The following NPAS3 variants were observed in gnomAD, a reference collection of about 807,000 sequenced individuals.
The protein encoded by NPAS3 is neuronal PAS domain protein 3.
In NPAS3, 14 loss-of-function variants were observed where a neutral mutation model predicts 73.1. That is an observed-to-expected ratio of 0.19 (90% CI 0.13 to 0.30). The LOEUF (loss-of-function observed/expected upper bound fraction) is 0.30, where lower values mean the gene tolerates loss of function less well. Ranked by LOEUF, NPAS3 falls within the 10% of genes least tolerant of loss-of-function variation. The pLI is 1.00. For missense variants in NPAS3, 1,096 were observed against 1,250.0 expected (o/e 0.88, Z 1.86); for synonymous variants, 620 against 541.5 (o/e 1.14, Z -2.01).
chr14:32,945,709 A>G (rs567872917), intron 1 of NPAS3, among the ~76,000 whole-genome samples: 5 of 152,240 alleles, frequency 3.3e-5, no homozygotes. Flanking sequence ...GTAGTGAACG[A>G]TAGCCCTCTG....
chr14:33,234,596 TGG>T (rs1185004174), intron 3 of NPAS3, among the ~76,000 whole-genome samples: 1 of 152,098 alleles, frequency 6.6e-6, no homozygotes, highest in African/African-American at 2.4e-5. Flanking sequence ...TAGAGAGAGT[TGG>T]TGAGCGAGAA....
intron 5 of NPAS3, among the ~76,000 whole-genome samples, chr14:33,669,094 C>G (rs2059537764): frequency 6.6e-6 from 1 of 152,028 alleles, no homozygotes; most frequent in Non-Finnish European, 1.5e-5. Context: ...GTTGATTGGT[C>G]TCCTTACCAC....
chr14:33,337,228 T>C (rs969868639), intron 3 of NPAS3, among the ~76,000 whole-genome samples: 1 of 152,170 alleles, frequency 6.6e-6, no homozygotes, highest in Non-Finnish European at 1.5e-5. Context: ...AGGTCCATGA[T>C]CCATTTTGAA....
At chr14:33,554,035 A>C (rs947132054) in intron 4 of NPAS3, among the ~76,000 whole-genome samples, 5 of 152,060 alleles carry the variant, frequency 3.3e-5, no homozygotes, top group Admixed American at 2.0e-4. Flanking sequence ...TTTCTTTCCA[A>C]CTCTTTTAAC....
chr14:33,408,010 A>G (rs1031214724), intron 4 of NPAS3, among the ~76,000 whole-genome samples: 2 of 152,190 alleles, frequency 1.3e-5, no homozygotes, highest in Admixed American at 6.6e-5. Context: ...GAATTTTCGA[A>G]CATTGATTTT....
At chr14:33,532,856 G>A (rs1204435882) in intron 4 of NPAS3, among the ~76,000 whole-genome samples, 2 of 152,048 alleles carry the variant, frequency 1.3e-5, no homozygotes, top group Non-Finnish European at 2.9e-5. Flanking sequence ...TGTCTAAGTT[G>A]ACTCCCAAAT....
At chr14:33,504,515 T>C (rs2052667103) in intron 4 of NPAS3, among the ~76,000 whole-genome samples, 2 of 152,050 alleles carry the variant, frequency 1.3e-5, no homozygotes, top group African/African-American at 2.4e-5. Flanking sequence ...AGTCCCTTTG[T>C]AGCATTTCAA....
At chr14:33,661,954 G>A (rs564478683) in intron 5 of NPAS3, among the ~76,000 whole-genome samples, 1 of 152,284 alleles carries the variant, frequency 6.6e-6, no homozygotes, top group African/African-American at 2.4e-5. Flanking sequence ...AAACTGAAGG[G>A]GTTTGGTAAA....
chr14:33,359,146 T>C (rs958119328), intron 3 of NPAS3, among the ~76,000 whole-genome samples: 1 of 152,058 alleles, frequency 6.6e-6, no homozygotes, highest in East Asian at 1.9e-4. Flanking sequence ...GATGACTGAA[T>C]ATATGAATGG....
chr14:32,938,482 A>AG (rs2035781447), upstream of NPAS3, among the ~76,000 whole-genome samples: 16 of 15,094 alleles, frequency 1.1e-3, no homozygotes, highest in African/African-American at 3.1e-3. Context: ...AGAGAGAGAG[A>AG]AATTGAGAGA....
chr14:33,175,121 A>G (rs905551034), intron 2 of NPAS3, among the ~76,000 whole-genome samples: 1 of 152,236 alleles, frequency 6.6e-6, no homozygotes. Flanking sequence ...GGAACCAATG[A>G]AAAACTGTAA....
intron 1 of NPAS3, among the ~76,000 whole-genome samples, chr14:33,014,606 C>G (rs1287676017): frequency 1.3e-5 from 2 of 152,056 alleles, no homozygotes; most frequent in Non-Finnish European, 2.9e-5. Flanking sequence ...AATAACAAGT[C>G]ATATTTATTC....
At chr14:33,484,313 C>T (rs2051474243) in intron 4 of NPAS3, among the ~76,000 whole-genome samples, 1 of 152,020 alleles carries the variant, frequency 6.6e-6, no homozygotes, top group Non-Finnish European at 1.5e-5. Flanking sequence ...CTTTCTAGCC[C>T]CGGAGACTGC....
intron 1 of NPAS3, among the ~76,000 whole-genome samples, chr14:33,051,280 C>CGAAAAAAAAA: frequency 1.6e-5 from 1 of 64,260 alleles, no homozygotes; most frequent in South Asian, 5.6e-4. Context: ...GACTCCGTCT[C>CGAAAAAAAAA]AAAAAAAAAA....
chr14:33,798,717 A>T lies in NPAS3; in HGVS notation c.1427-1017A>T, dbSNP rs115258525. 4.8e-3 allele frequency among the ~76,000 whole-genome samples: 733 copies of T among 152,344 alleles called. 7 individuals are homozygous for T. Among genetic ancestry groups the T allele is most frequent in the African/African-American group, 0.016 (682 of 41,580 alleles). Reference sequence around the variant, plus strand: ...TAATTTGAAAGTTCTTGACAAAGACATAAAAAGTTCTAGAATTGGTAGTCT... The same window carrying T: ...TAATTTGAAAGTTCTTGACAAAGACTTAAAAAGTTCTAGAATTGGTAGTCT... On this transcript the variant is annotated intron_variant, in intron 11 of 11. Transcript: ENST00000356141.
At chr14:33,457,179 G>A (rs2050060690) in intron 4 of NPAS3, among the ~76,000 whole-genome samples, 1 of 152,160 alleles carries the variant, frequency 6.6e-6, no homozygotes, top group African/African-American at 2.4e-5. Flanking sequence ...TTCTCTCTCA[G>A]CATAGGAAAA....
intron 6 of NPAS3, among the ~76,000 whole-genome samples, chr14:33,692,513 G>T (rs1002372199): frequency 6.6e-6 from 1 of 152,028 alleles, no homozygotes; most frequent in African/African-American, 2.4e-5. Context: ...CAGGTGCAAA[G>T]GGCACTATAA....
intron 2 of NPAS3, among the ~76,000 whole-genome samples, chr14:33,175,728 A>G (rs1409390913): frequency 6.6e-6 from 1 of 152,152 alleles, no homozygotes; most frequent in Admixed American, 6.5e-5. Flanking sequence ...TTTACATACA[A>G]CATCCCAATG....
intron 7 of NPAS3, among the ~76,000 whole-genome samples, chr14:33,739,146 A>G (rs2061595552): frequency 6.6e-6 from 1 of 152,216 alleles, no homozygotes. Flanking sequence ...TCATGTTTAT[A>G]TAATGCTCGG....
Sources: allele counts gnomAD v4.1 joint callset (sites outside exome capture counted in the v4.1 genomes callset), GRCh38; gene constraint gnomAD v4.1.1; transcripts MANE v1.5; gene names NCBI Gene and HGNC (gene_info 2026-07-23, HGNC 2026-07-21).